The following WDR59 variants were observed in gnomAD, a reference collection of about 807,000 sequenced individuals.
WDR59 encodes GATOR2 complex protein WDR59.
A neutral mutation model predicts 131.2 loss-of-function variants in WDR59; 100 were observed. That is an observed-to-expected ratio of 0.76 (90% confidence interval 0.65 to 0.90). The LOEUF (loss-of-function observed/expected upper bound fraction) is 0.90. WDR59 is among the 40% of genes least tolerant of loss of function. The probability of loss-of-function intolerance (pLI) is 0.00; values close to 1 mark genes in which losing one functional copy is unlikely to be tolerated. For missense variants in WDR59, 1,203 were observed against 1,262.2 expected, an observed-to-expected ratio of 0.95 and a Z score of 0.71; for synonymous variants, 601 against 466.2, an observed-to-expected ratio of 1.29 and a Z score of -3.72.
At position 74,915,985 on chromosome 16, in the gene WDR59, TC is replaced by T; in HGVS notation, c.1108del (p.Glu370LysfsTer28). The T allele has an allele frequency of 6.2e-7, 1 of 1,614,178 alleles. No individual in the cohort carries two copies. The highest frequency in any genetic ancestry group is 8.5e-7 in the Non-Finnish European group (1 of 1,180,022). ...ASHGEEEALK[E>X]DPPRNLLEER... ...TTCCAGGAGATTTCTAGGGGGATCT[TC>T]TTTTAGGGCTAGCAGGAGAGAGAAG... On this transcript the variant is annotated frameshift_variant, in exon 13 of 26. Transcript: ENST00000262144. LOFTEE classifies it high-confidence loss of function.
At chr16:74,943,758 G>C (rs775866113) in intron 6 of WDR59, among the ~76,000 whole-genome samples, 54 of 152,208 alleles carry the variant, frequency 3.5e-4, no homozygotes, top group Non-Finnish European at 7.5e-4. Context: ...CACAGCTTTG[G>C]GGAGCTACTT....
chr16:74,903,314 A>G (rs1288707483), intron 18 of WDR59, among the ~76,000 whole-genome samples: 3 of 152,224 alleles, frequency 2.0e-5, no homozygotes, highest in Admixed American at 2.0e-4. Context: ...CTGTCAACAC[A>G]GAAAGCTTTC....
Position 74,873,016 on chromosome 16 carries a change from T to G in WDR59, c.*1193A>C, listed in dbSNP as rs1477047476. ...CCTCTGCTTCCCAAGTTCAAGCGAT[T>G]CTCCTGTCTCAGCCTCCCCAGTACC... On this transcript the variant is annotated 3_prime_UTR_variant, in exon 26 of 26. Transcript: ENST00000262144. 3.9e-5 allele frequency: 6 copies of G among 152,146 alleles called. No homozygotes were observed. Among genetic ancestry groups the G allele is most frequent in the African/African-American group, 1.4e-4 (6 of 41,416 alleles). 9.4% of individuals were successfully genotyped at this position (152,146 alleles called of 1,614,324 possible). A position where few individuals can be genotyped will look rare whatever the true frequency, so the allele number is the denominator to read the frequency against.
intron 20 of WDR59, among the ~76,000 whole-genome samples, chr16:74,891,205 A>G (rs1223994165): frequency 6.6e-6 from 1 of 152,158 alleles, no homozygotes; most frequent in Admixed American, 6.6e-5. Context: ...TGGAAAACAT[A>G]CTAGACTCTG....
intron 25 of WDR59, among the ~76,000 whole-genome samples, chr16:74,875,621 C>G (rs1196815468): frequency 6.6e-6 from 1 of 152,214 alleles, no homozygotes; most frequent in Admixed American, 6.5e-5. Context: ...ATCCCTAACC[C>G]ATCACCACTA....
intron 2 of WDR59, among the ~76,000 whole-genome samples, chr16:74,957,315 G>A (rs1040702606): frequency 9.2e-5 from 14 of 151,826 alleles, no homozygotes; most frequent in African/African-American, 2.7e-4. Context: ...TGCTGACCTC[G>A]GGTGATCCAC....
intron 8 of WDR59, among the ~76,000 whole-genome samples, chr16:74,926,850 T>G (rs771132846): frequency 6.6e-6 from 1 of 152,180 alleles, no homozygotes; most frequent in Non-Finnish European, 1.5e-5. Context: ...GGTGACTTTT[T>G]CTCCTCTCAA....
At chr16:74,970,449 T>C (rs1401406697) in intron 1 of WDR59, among the ~76,000 whole-genome samples, 1 of 137,656 alleles carries the variant, frequency 7.3e-6, no homozygotes, top group Admixed American at 8.4e-5. Context: ...TGAGCCAAGA[T>C]GCGCCACTGC....
intron 19 of WDR59, among the ~76,000 whole-genome samples, chr16:74,892,906 C>T (rs1014257590): frequency 6.6e-6 from 1 of 152,218 alleles, no homozygotes; most frequent in Admixed American, 6.5e-5. Context: ...ATACATGCGA[C>T]ACTGACTATG....
At chr16:74,925,941 T>C (rs926187885) in intron 8 of WDR59, among the ~76,000 whole-genome samples, 29 of 146,414 alleles carry the variant, frequency 2.0e-4, no homozygotes, top group Non-Finnish European at 3.4e-4. Flanking sequence ...GCTATGATCA[T>C]ACCACTGCAC....
chr16:74,878,100 T>A (rs1202928246), intron 25 of WDR59, among the ~76,000 whole-genome samples: 1 of 152,200 alleles, frequency 6.6e-6, no homozygotes, highest in Non-Finnish European at 1.5e-5. Context: ...CAGACATGAC[T>A]GGGAATGTCT....
intron 1 of WDR59, among the ~76,000 whole-genome samples, chr16:74,978,281 G>A (rs138982969): frequency 1.5e-4 from 21 of 139,790 alleles, no homozygotes; most frequent in South Asian, 4.5e-4. Flanking sequence ...GAGATCGTGC[G>A]ACTGCACTCC....
chr16:74,935,294 A>G (rs2031712339), intron 8 of WDR59, among the ~76,000 whole-genome samples: 1 of 152,158 alleles, frequency 6.6e-6, no homozygotes, highest in Non-Finnish European at 1.5e-5. Context: ...TCTAGAAGGC[A>G]GCAATTTTGT....
At chr16:74,954,253 A>G (rs1045659073) in intron 3 of WDR59, among the ~76,000 whole-genome samples, 5 of 151,892 alleles carry the variant, frequency 3.3e-5, no homozygotes, top group African/African-American at 9.7e-5. Flanking sequence ...TACTAAAAAT[A>G]CAAAATTAGC....
In WDR59 at chr16:74,891,176, G is replaced by T. The variant is rs899931031; in HGVS notation, c.2082+1308C>A. Among the ~76,000 whole-genome samples the T allele has an allele frequency of 7.3e-5, 11 of 151,016 alleles. 1 individual carries two copies. Among genetic ancestry groups the T allele is most frequent in the East Asian group, 1.9e-4 (1 of 5,150 alleles). ...GAAAACCTTTCTCAGTAGCAGCACA[G>T]CATTGTATGCCCATTAACTGGAAAA... is the stretch of plus-strand genomic sequence containing the variant. On this transcript the variant is annotated intron_variant, in intron 20 of 25. Coordinates refer to ENST00000262144, the MANE Select transcript of WDR59 (RefSeq NM_030581.4).
At chr16:74,896,925 G>C (rs1202966383) in intron 18 of WDR59, among the ~76,000 whole-genome samples, 1 of 152,164 alleles carries the variant, frequency 6.6e-6, no homozygotes, top group Non-Finnish European at 1.5e-5. Context: ...CTTACTCTAG[G>C]TCACAGCCAT....
chr16:74,941,880 G>A (rs1294136488), intron 7 of WDR59, among the ~76,000 whole-genome samples: 1 of 152,128 alleles, frequency 6.6e-6, no homozygotes, highest in Non-Finnish European at 1.5e-5. Context: ...CCAAACGTAT[G>A]GAGGGAAGGG....
At chr16:74,949,382 A>G (rs1322942165) in intron 5 of WDR59, among the ~76,000 whole-genome samples, 2 of 146,720 alleles carry the variant, frequency 1.4e-5, no homozygotes, top group Admixed American at 1.4e-4. Context: ...GGAAGGAAGG[A>G]AAGACAGGAA....
At chr16:74,874,908 T>C (rs1339588067) in intron 25 of WDR59, among the ~76,000 whole-genome samples, 1 of 152,158 alleles carries the variant, frequency 6.6e-6, no homozygotes, top group Non-Finnish European at 1.5e-5. Context: ...TTTTGTTTTT[T>C]TTACACCAGA....
Sources: gnomAD v4.1 joint callset for allele counts (sites outside exome capture counted in the v4.1 genomes callset) on GRCh38, gnomAD v4.1.1 for gene constraint, MANE v1.5 for transcripts, NCBI Gene and HGNC (gene_info 2026-07-23, HGNC 2026-07-21) for gene names.